The following SUMO2 variants were observed in gnomAD, a reference collection of about 807,000 sequenced individuals.
SUMO2 encodes small ubiquitin like modifier 2, also known as small ubiquitin-related modifier 2.
In SUMO2, 1 loss-of-function variant was observed where a neutral mutation model predicts 16.0. The ratio of observed to expected loss-of-function variants is 0.06; its 90% CI spans 0.02 to 0.30. SUMO2 has a LOEUF of 0.30. SUMO2 is among the 10% of genes least tolerant of loss of function. The probability of loss-of-function intolerance (pLI) is 1.00; values close to 1 mark genes in which losing one functional copy is unlikely to be tolerated. For synonymous variants in SUMO2, 36 were observed against 40.6 expected, an observed-to-expected ratio of 0.89 and a Z score of 0.43; for missense variants, 16 against 117.5, an observed-to-expected ratio of 0.14 and a Z score of 3.99.
intron 1 of SUMO2, among the ~76,000 whole-genome samples, chr17:75,181,621 T>C (rs1196261336): frequency 6.6e-6 from 1 of 152,072 alleles, no homozygotes; most frequent in Non-Finnish European, 1.5e-5. Flanking sequence ...CATTCAAAAC[T>C]CATTACCGTT....
intron 2 of SUMO2, among the ~76,000 whole-genome samples, 185 bp downstream of exon 2, chr17:75,180,872 C>T (rs994895402): frequency 6.6e-6 from 1 of 152,018 alleles, no homozygotes; most frequent in Non-Finnish European, 1.5e-5. Context: ...ATAATACTAA[C>T]CAAATCATCC....
In SUMO2 at chr17:75,172,325, C is replaced by CTTTT. The variant is rs71361663; in HGVS notation, c.225+2423_225+2426dup. ...ACAGTCGTGAGCTACTGTACCCAGACTTTTTTTTTTTTTTTTTTGAGACAG... is the reference window on the plus strand; with the variant it reads ...ACAGTCGTGAGCTACTGTACCCAGACTTTTTTTTTTTTTTTTTTTTTTGAGACAG... On this transcript the variant is annotated intron_variant, in intron 3 of 3. Coordinates refer to ENST00000420826, the MANE Select transcript of SUMO2 (RefSeq NM_006937.4). Among the ~76,000 whole-genome samples, 2 of 109,398 alleles carry CTTTT rather than the reference C, an allele frequency of 1.8e-5. 1 individual carries two copies. Among genetic ancestry groups the CTTTT allele is most frequent in the South Asian group, 5.1e-4 (2 of 3,886 alleles). The allele number at this position is 109,398 out of a possible 152,430, so 71.8% of individuals were successfully genotyped here.
At chr17:75,180,478 C>T (rs571602689) in intron 2 of SUMO2, among the ~76,000 whole-genome samples, 2 of 145,674 alleles carry the variant, frequency 1.4e-5, no homozygotes, top group East Asian at 2.0e-4. Flanking sequence ...TTTGGAAGGC[C>T]GAGGCGGGCG....
chr17:75,177,498 C>G (rs1265304022), intron 2 of SUMO2, among the ~76,000 whole-genome samples: 1 of 151,928 alleles, frequency 6.6e-6, no homozygotes, highest in Non-Finnish European at 1.5e-5. Flanking sequence ...ACCTGATCAA[C>G]ATGGTGAAGC....
At chr17:75,178,149 G>A (rs2074798397) in intron 2 of SUMO2, among the ~76,000 whole-genome samples, 1 of 151,218 alleles carries the variant, frequency 6.6e-6, no homozygotes, top group Non-Finnish European at 1.5e-5. Flanking sequence ...GGGCAACAGG[G>A]CAAAAGCCTG....
chr17:75,165,857 C>G lies in SUMO2; in HGVS notation c.*2482G>C, dbSNP rs1327152813. The G allele has an allele frequency of 6.6e-6, 1 of 151,802 alleles. No homozygotes were observed. Among genetic ancestry groups the G allele is most frequent in the Non-Finnish European group, 1.5e-5 (1 of 68,022 alleles). The allele number at this position is 151,802 out of a possible 1,614,324, so 9.4% of individuals were successfully genotyped here. On this transcript the variant is annotated 3_prime_UTR_variant, in exon 4 of 4. Transcript: ENST00000420826. ...TGGCTAACATGGTGAAGCCCTGTCT[C>G]TACTAAAAATACAAAAAAATTAGCC... is the stretch of plus-strand genomic sequence containing the variant.
chr17:75,173,477 A>AT (rs34245817), intron 3 of SUMO2, among the ~76,000 whole-genome samples: 4 of 148,640 alleles, frequency 2.7e-5, no homozygotes, highest in African/African-American at 9.8e-5. Context: ...ACTGGAAGTC[A>AT]TTTTTTTTTT....
rs541371219 is a variant in SUMO2 at position 75,172,027 on chromosome 17, G to A, written c.225+2725C>T. Among the ~76,000 whole-genome samples, 208 of 78,228 alleles carry A rather than the reference G, an allele frequency of 2.7e-3. 3 individuals are homozygous for A. The highest frequency in any genetic ancestry group is 3.4e-3 in the Non-Finnish European group (127 of 37,648). 51.3% of individuals were successfully genotyped at this position (78,228 alleles called of 152,430 possible). On this transcript the variant is annotated intron_variant, in intron 3 of 3. Transcript: ENST00000420826. The stretch of plus-strand genomic sequence containing the variant: ...TAATTGCGCCTTTTTTTTTTTTTTT[G>A]ACAGGGTTTCACTCTTTCACCCAAG...
At chr17:75,177,241 G>A (rs1395157716) in intron 2 of SUMO2, among the ~76,000 whole-genome samples, 4 of 151,704 alleles carry the variant, frequency 2.6e-5, no homozygotes, top group Non-Finnish European at 4.4e-5. Context: ...GGTGGCAGGC[G>A]CTGTAATCCC....
Position 75,181,135 on chromosome 17 carries a change from C to T in SUMO2, c.75G>A (p.Gln25=). Residue 25 remains glutamine, a synonymous_variant, in exon 2 of 4, where the codon CAG becomes CAA. Transcript: ENST00000420826. The part of the protein sequence containing the change: ...NDHINLKVAG[Q]DGSVVQFKIK... ...TCTTAAACTGCACCACAGAACCATC[C>T]TGCCCCGCCACCTTCAAATTAATAT... The T allele has an allele frequency of 6.2e-7, 1 of 1,614,018 alleles. No individual in the cohort carries two copies. Among genetic ancestry groups the T allele is most frequent in the Non-Finnish European group, 8.5e-7 (1 of 1,179,950 alleles).
rs1471033131 is a variant in SUMO2 at position 75,178,137 on chromosome 17, A to C, written c.153+2920T>G. Among the ~76,000 whole-genome samples the C allele has an allele frequency of 1.3e-5, 2 of 151,750 alleles. 1 individual carries two copies. The highest frequency in any genetic ancestry group is 3.9e-4 in the East Asian group (2 of 5,188). ...CATAATCCTCCCACTGCACTTCAGC[A>C]TGGGCAACAGGGCAAAAGCCTGTCT... On this transcript the variant is annotated intron_variant, in intron 2 of 3. Coordinates refer to ENST00000420826, the MANE Select transcript of SUMO2 (RefSeq NM_006937.4).
chr17:75,174,818 C>T lies in SUMO2; in HGVS notation c.159G>A (p.Leu53=), dbSNP rs1228857306. 4 of 1,613,598 alleles carry T rather than the reference C, an allele frequency of 2.5e-6. No individual in the cohort carries two copies. Among genetic ancestry groups the T allele is most frequent in the Non-Finnish European group, 2.5e-6 (3 of 1,179,778 alleles). ...ATCGGAATCTGATCTGCCTCATTGA[C>T]AATCCCTGAACGAGAATTTAAAAGC... ...LMKAYCERQG[L]SMRQIRFRFD... is the part of the protein sequence containing the mutation. Residue 53 remains leucine, a synonymous_variant, in exon 3 of 4, where the codon TTG becomes TTA. Coordinates refer to ENST00000420826, the MANE Select transcript of SUMO2 (RefSeq NM_006937.4).
intron 1 of SUMO2, among the ~76,000 whole-genome samples, chr17:75,181,657 T>C (rs2074829913): frequency 6.6e-6 from 1 of 152,012 alleles, no homozygotes; most frequent in African/African-American, 2.4e-5. Context: ...CCAAACTCAG[T>C]TTAATAACCT....
chr17:75,168,525 A>G, intron 3 of SUMO2, 124 bp from the exon 4 acceptor site: 1 of 776,976 alleles, frequency 1.3e-6, no homozygotes, highest in Non-Finnish European at 2.0e-6. Flanking sequence ...ATTATTTTAG[A>G]TGTCTCATAG....
intron 2 of SUMO2, among the ~76,000 whole-genome samples, chr17:75,180,445 G>A (rs2074820531): frequency 6.8e-6 from 1 of 146,980 alleles, no homozygotes; most frequent in Non-Finnish European, 1.5e-5. Context: ...TGGCGCGGTG[G>A]CTCATGCTTG....
At chr17:75,178,637 T>G (rs952842422) in intron 2 of SUMO2, among the ~76,000 whole-genome samples, 12 of 152,146 alleles carry the variant, frequency 7.9e-5, no homozygotes, top group African/African-American at 2.9e-4. Flanking sequence ...GATGAGATCA[T>G]GGCTCACTGC....
rs1207300668 is a variant in SUMO2, at chr17:75,167,693, T to A, written c.*646A>T. ...TATTTATGTTTTTTCTAAGCCTCAA[T>A]TTTCTATTTAATATTTCTCAGAATA... On this transcript the variant is annotated 3_prime_UTR_variant, in exon 4 of 4. Transcript: ENST00000420826. 1 of 152,586 alleles carries A rather than the reference T, an allele frequency of 6.6e-6. No individual in the cohort carries two copies. Among genetic ancestry groups the A allele is most frequent in the Non-Finnish European group, 1.5e-5 (1 of 68,030 alleles). The allele number at this position is 152,586 out of a possible 1,614,324, so 9.5% of individuals were successfully genotyped here. A position where few individuals can be genotyped will look rare whatever the true frequency, so the allele number is the denominator to read the frequency against.
At chr17:75,175,226 G>A (rs1270520792) in intron 2 of SUMO2, among the ~76,000 whole-genome samples, 6 of 151,918 alleles carry the variant, frequency 3.9e-5, no homozygotes, top group Non-Finnish European at 7.4e-5. Flanking sequence ...CAGGTGCTCC[G>A]TCCGCCTCAG....
At chr17:75,180,371 AAT>A (rs1448130150) in intron 2 of SUMO2, among the ~76,000 whole-genome samples, 2 of 145,748 alleles carry the variant, frequency 1.4e-5, no homozygotes, top group Non-Finnish European at 3.0e-5. Context: ...GCTTAAAAGA[AAT>A]AGAGTGAGAC....
Sources: gnomAD v4.1 joint callset for allele counts (sites outside exome capture counted in the v4.1 genomes callset) on GRCh38, gnomAD v4.1.1 for gene constraint, MANE v1.5 for transcripts, NCBI Gene and HGNC (gene_info 2026-07-23, HGNC 2026-07-21) for gene names.